Variants in ARHGAP35 observed in about 807,000 individuals in gnomAD.
ARHGAP35 encodes the protein Rho GTPase activating protein 35, also known as rho GTPase-activating protein 35.
Under a neutral mutation model 111.1 loss-of-function variants are expected in ARHGAP35, and 15 were observed. That is an observed-to-expected ratio of 0.13 (90% confidence interval 0.09 to 0.21). ARHGAP35 has a LOEUF of 0.21. Ranked by LOEUF, ARHGAP35 falls within the 10% of genes least tolerant of loss-of-function variation. ARHGAP35 has a pLI of 1.00. For synonymous variants in ARHGAP35, 643 were observed against 710.3 expected (o/e 0.91, Z 1.51); for missense variants, 1,262 against 1,873.0 (o/e 0.67, Z 6.02).
At chr19:46,977,371 T>G (rs1046655271) in intron 3 of ARHGAP35, among the ~76,000 whole-genome samples, 3 of 152,012 alleles carry the variant, frequency 2.0e-5, no homozygotes, top group Admixed American at 1.3e-4. Context: ...AAAGTAGGAG[T>G]TGGATGCTCC....
intron 3 of ARHGAP35, among the ~76,000 whole-genome samples, chr19:46,963,263 TTTGATTGGAAA>T (rs1391168622): frequency 6.6e-6 from 1 of 152,166 alleles, no homozygotes; most frequent in African/African-American, 2.4e-5. Context: ...AACTGTTGTC[TTTGATTGGAAA>T]TTATGCTGTG....
chr19:46,896,337 G>A (rs999854841), intron 1 of ARHGAP35, among the ~76,000 whole-genome samples: 2 of 152,198 alleles, frequency 1.3e-5, no homozygotes, highest in African/African-American at 4.8e-5. Context: ...TGGTTATTGC[G>A]CCACTGCACC....
chr19:46,934,484 C>G (rs2056292797), intron 2 of ARHGAP35, among the ~76,000 whole-genome samples: 1 of 152,130 alleles, frequency 6.6e-6, no homozygotes. Flanking sequence ...TCTCCCACCT[C>G]AGCCTCCTGA....
Position 47,001,096 on chromosome 19 carries a change from C to A in ARHGAP35, c.*408C>A. On this transcript the variant is annotated 3_prime_UTR_variant, in exon 7 of 7. Transcript: ENST00000672722. This position sits in a 1 kb window ranked among gnomAD's most constrained non-coding sequence, Gnocchi z 5.4. Reference sequence around the variant, plus strand: ...CTGAGATTCAGGGTGGGGCTGGCAACCCCTGAAGAGAACACTTCCTGTTGG... The same window carrying A: ...CTGAGATTCAGGGTGGGGCTGGCAAACCCTGAAGAGAACACTTCCTGTTGG... The A allele has an allele frequency of 7.9e-7, 1 of 1,270,030 alleles. No individual in the cohort carries two copies. The allele number at this position is 1,270,030 out of a possible 1,614,324, so 78.7% of individuals were successfully genotyped here.
At chr19:46,878,329 T>C (rs1004193433) in intron 1 of ARHGAP35, among the ~76,000 whole-genome samples, 1 of 151,926 alleles carries the variant, frequency 6.6e-6, no homozygotes, top group Non-Finnish European at 1.5e-5. Context: ...GGCCTAATTT[T>C]TATTTTTTTG....
At chr19:46,891,979 G>A (rs1331263917) in intron 1 of ARHGAP35, among the ~76,000 whole-genome samples, 1 of 149,412 alleles carries the variant, frequency 6.7e-6, no homozygotes, top group Non-Finnish European at 1.5e-5. Context: ...TGTCTTTACC[G>A]AAAATACAAA....
At chr19:46,894,140 G>C (rs1446664347) in intron 1 of ARHGAP35, among the ~76,000 whole-genome samples, 1 of 152,078 alleles carries the variant, frequency 6.6e-6, no homozygotes, top group Admixed American at 6.5e-5. Flanking sequence ...AAGAGCAAAT[G>C]ATGCAATTAG....
At chr19:46,991,151 T>C (rs1037435787) in intron 5 of ARHGAP35, among the ~76,000 whole-genome samples, 1 of 152,028 alleles carries the variant, frequency 6.6e-6, no homozygotes, top group Non-Finnish European at 1.5e-5. Context: ...AGCAGTCACT[T>C]CTCCAGCAGG....
At chr19:46,937,773 A>G (rs1393418874) in intron 3 of ARHGAP35, among the ~76,000 whole-genome samples, 1 of 152,202 alleles carries the variant, frequency 6.6e-6, no homozygotes, top group Admixed American at 6.5e-5. Flanking sequence ...GGGTTGTGCT[A>G]TCATTGTGTC....
At chr19:46,907,367 G>A (rs1357919517) in intron 1 of ARHGAP35, among the ~76,000 whole-genome samples, 1 of 152,122 alleles carries the variant, frequency 6.6e-6, no homozygotes, top group East Asian at 1.9e-4. Flanking sequence ...AGCCAGGATG[G>A]TCTCGATCTC....
chr19:46,871,243 A>T (rs916309545), intron 1 of ARHGAP35, among the ~76,000 whole-genome samples: 1 of 152,222 alleles, frequency 6.6e-6, no homozygotes, highest in Non-Finnish European at 1.5e-5. Context: ...AAGAAAAGAG[A>T]TAGTGGTCAC....
At chr19:46,964,866 G>C (rs1049075208) in intron 3 of ARHGAP35, among the ~76,000 whole-genome samples, 1 of 152,224 alleles carries the variant, frequency 6.6e-6, no homozygotes, top group African/African-American at 2.4e-5. Context: ...AACAGTCCTG[G>C]TAGGTCTTTG....
chr19:46,905,288 G>A lies in ARHGAP35; in HGVS notation c.-188-13200G>A, dbSNP rs554843657. On this transcript the variant is annotated intron_variant, in intron 1 of 6. Coordinates refer to ENST00000672722, the MANE Select transcript of ARHGAP35 (RefSeq NM_004491.5). ...CACGCCTATAATCTCAGCACTTTGG[G>A]AGGCTGAGGCGGGTGGATCAGGAGA... 9.2e-5 allele frequency among the ~76,000 whole-genome samples: 14 copies of A among 152,236 alleles called. No individual in the cohort carries two copies. In the East Asian group the frequency reaches 2.7e-3, roughly 29 times the overall value.
At chr19:46,942,723 G>T (rs1016058757) in intron 3 of ARHGAP35, among the ~76,000 whole-genome samples, 14 of 150,398 alleles carry the variant, frequency 9.3e-5, no homozygotes, top group African/African-American at 3.2e-4. Flanking sequence ...GCTGAAGCAG[G>T]AGGATTGTTT....
intron 1 of ARHGAP35, among the ~76,000 whole-genome samples, chr19:46,891,496 G>A (rs1264042979): frequency 2.7e-5 from 4 of 150,530 alleles, no homozygotes; most frequent in Non-Finnish European, 4.4e-5. Context: ...GTGCAATCTC[G>A]GCTCACTGCA....
chr19:47,000,723 C>T lies in ARHGAP35; in HGVS notation c.*35C>T, dbSNP rs189457811. The T allele has an allele frequency of 6.5e-7, 1 of 1,532,502 alleles. No homozygotes were observed. The highest frequency in any genetic ancestry group is 8.8e-7 in the Non-Finnish European group (1 of 1,137,836). 94.9% of individuals were successfully genotyped at this position (1,532,502 alleles called of 1,614,324 possible). On this transcript the variant is annotated 3_prime_UTR_variant, in exon 7 of 7. Coordinates refer to ENST00000672722, the MANE Select transcript of ARHGAP35 (RefSeq NM_004491.5). This position sits in a 1 kb window ranked among gnomAD's most constrained non-coding sequence, Gnocchi z 6.9. ...ACCTGGGGCGACAGGAGAACCGGTC[C>T]TCTCTCTGACGGGGTGGCATTTGGC... is the stretch of plus-strand genomic sequence containing the variant.
chr19:47,000,289 G>T lies in ARHGAP35; in HGVS notation c.4143-42G>T, dbSNP rs773156322. ...CCATGAGCGCCCAGGGCCAGGTGGG[G>T]CCCTGCACAGTTCTGACCATTGAGT... On this transcript the variant is annotated intron_variant, in intron 6 of 6. Transcript: ENST00000672722. The surrounding 1 kb of genome is among the most constrained non-coding windows in gnomAD (Gnocchi z 6.9). 3 of 1,593,656 alleles carry T rather than the reference G, an allele frequency of 1.9e-6. No individual in the cohort carries two copies. Among genetic ancestry groups the T allele is most frequent in the East Asian group, 4.5e-5 (2 of 44,658 alleles).
rs1405692117 is a variant in ARHGAP35 at position 46,926,902 on chromosome 19, A to C, written c.3681+4546A>C. On this transcript the variant is annotated intron_variant, in intron 2 of 6. Transcript: ENST00000672722. The surrounding 1 kb of genome is among the most constrained non-coding windows in gnomAD (Gnocchi z 4.1). ...GGAGTTAAAGTTTCTAGTGTGAATA[A>C]AAACCAGCTGGGGAATTGGACTGCT... 6.6e-6 allele frequency among the ~76,000 whole-genome samples: 1 copy of C among 152,214 alleles called. No homozygotes were observed. The highest frequency in any genetic ancestry group is 1.5e-5 in the Non-Finnish European group (1 of 68,054).
intron 2 of ARHGAP35, among the ~76,000 whole-genome samples, 178 bp from the exon 3 acceptor site, chr19:46,937,086 C>T (rs1018184158): frequency 1.4e-4 from 21 of 152,088 alleles, no homozygotes; most frequent in African/African-American, 5.1e-4. Context: ...GTGATCCACC[C>T]GCCTCGGCCT....
Sources: allele counts gnomAD v4.1 joint callset (sites outside exome capture counted in the v4.1 genomes callset), GRCh38; gene constraint gnomAD v4.1.1; non-coding constraint Gnocchi (gnomAD v3.1); transcripts MANE v1.5; gene names NCBI Gene and HGNC (gene_info 2026-07-23, HGNC 2026-07-21).